Variants in PARP16 observed in about 807,000 individuals in gnomAD.
The protein encoded by PARP16 is poly(ADP-ribose) polymerase family member 16.
A neutral mutation model predicts 35.0 loss-of-function variants in PARP16; 31 were observed. That is an observed-to-expected ratio of 0.88 (90% confidence interval 0.66 to 1.19). PARP16 has a LOEUF of 1.19. Among genes scored for constraint, PARP16 ranks in the 50% most tolerant of loss-of-function variants. PARP16 has a pLI of 0.00. For synonymous variants in PARP16, 162 were observed against 169.5 expected, an observed-to-expected ratio of 0.96 and a Z score of 0.34; for missense variants, 424 against 411.2, an observed-to-expected ratio of 1.03 and a Z score of -0.27.
chr15:65,286,662 C>G lies in PARP16; in HGVS notation c.-236G>C. 4.6e-4 allele frequency: 78 copies of G among 169,710 alleles called. No individual in the cohort carries two copies. In the South Asian group the frequency reaches 8.0e-3, roughly 17 times the overall value. The allele number at this position is 169,710 out of a possible 1,614,324, so 10.5% of individuals were successfully genotyped here. ...AAGAGAGAGACCGAGGCCTGGACCG[C>G]GGGTCGGCGGGGAGGTTGGGCCCAG... On this transcript the variant is annotated 5_prime_UTR_variant, in exon 1 of 6. Transcript: ENST00000649807.
chr15:65,248,197 T>C (rs1350515696), exon 3 of PARP16: 3 of 456,390 alleles, frequency 6.6e-6, no homozygotes, highest in Admixed American at 4.7e-5. Context: ...GGCTTTACTC[T>C]GGCCACAGAC....
chr15:65,233,188 C>T (rs574108742), downstream of PARP16, among the ~76,000 whole-genome samples: 4 of 152,090 alleles, frequency 2.6e-5, no homozygotes, highest in African/African-American at 2.4e-5. Flanking sequence ...CCGAGGTGGG[C>T]GGATCACCAG....
intron 1 of PARP16, among the ~76,000 whole-genome samples, chr15:65,272,564 C>T (rs1555424413): frequency 6.6e-6 from 1 of 152,148 alleles, no homozygotes; most frequent in Non-Finnish European, 1.5e-5. Context: ...CAAGAATACC[C>T]CTTCCCCCAC....
chr15:65,231,985 T>A (rs867798913), downstream of PARP16, among the ~76,000 whole-genome samples: 1 of 152,166 alleles, frequency 6.6e-6, no homozygotes, highest in Non-Finnish European at 1.5e-5. Flanking sequence ...TTTTTAAAAA[T>A]TTTTAGTGCC....
downstream of PARP16, among the ~76,000 whole-genome samples, chr15:65,233,008 A>C (rs565621476): frequency 6.6e-6 from 1 of 152,086 alleles, no homozygotes; most frequent in South Asian, 2.1e-4. Context: ...AAAATTAAAA[A>C]GTTTAAAATT....
At chr15:65,270,763 G>A (rs183768498) in intron 2 of PARP16, among the ~76,000 whole-genome samples, 172 bp downstream of exon 2, 23 of 152,220 alleles carry the variant, frequency 1.5e-4, no homozygotes, top group Admixed American at 1.1e-3. Flanking sequence ...GAAAGCTCCT[G>A]GGCCTGACTC....
At chr15:65,242,393 C>T (rs980132943) in intron 3 of PARP16, among the ~76,000 whole-genome samples, 1 of 110,050 alleles carries the variant, frequency 9.1e-6, no homozygotes, top group Non-Finnish European at 1.9e-5. Flanking sequence ...AGCTTGTTTA[C>T]TACAAAAAAA....
At chr15:65,275,397 T>A (rs1488798213) in intron 1 of PARP16, among the ~76,000 whole-genome samples, 1 of 152,148 alleles carries the variant, frequency 6.6e-6, no homozygotes, top group Non-Finnish European at 1.5e-5. Flanking sequence ...TTTAGTGAGA[T>A]GTTTGACTTC....
At chr15:65,274,368 A>G (rs1170146972) in intron 1 of PARP16, among the ~76,000 whole-genome samples, 3 of 151,574 alleles carry the variant, frequency 2.0e-5, no homozygotes, top group East Asian at 3.9e-4. Flanking sequence ...CAACACCAGC[A>G]GGGGCAACAT....
intron 1 of PARP16, among the ~76,000 whole-genome samples, chr15:65,273,305 G>T: frequency 1.3e-5 from 1 of 76,188 alleles, no homozygotes; most frequent in Non-Finnish European, 3.2e-5. Flanking sequence ...GAATACCTGT[G>T]GTTCTTTTCC....
intron 3 of PARP16, among the ~76,000 whole-genome samples, chr15:65,245,170 G>C (rs370564173): frequency 6.6e-6 from 1 of 152,318 alleles, no homozygotes; most frequent in Middle Eastern, 3.4e-3. Flanking sequence ...ACCTCACCTC[G>C]TGGCTGCAAG....
downstream of PARP16, among the ~76,000 whole-genome samples, chr15:65,254,586 T>G (rs2089450152): frequency 6.6e-6 from 1 of 151,298 alleles, no homozygotes; most frequent in Non-Finnish European, 1.5e-5. Context: ...GTGGGGGCTG[T>G]GGAGGGGGTT....
At chr15:65,264,547 G>C (rs188771171) in intron 3 of PARP16, among the ~76,000 whole-genome samples, 4 of 152,298 alleles carry the variant, frequency 2.6e-5, no homozygotes, top group Admixed American at 2.6e-4. Flanking sequence ...ACAGACCTTT[G>C]CTTGGCCTTT....
rs1179251623 is a variant in PARP16 at position 65,248,274 on chromosome 15, G to A, written c.203-46C>T. On this transcript the variant is annotated intron_variant and NMD_transcript_variant, in intron 2 of 3. Transcript: ENST00000559805. ...GAACAAGTACTTTAAAAATGTCCAA[G>A]TAAATTAGTAAATCATAAATCAAGA... 3 of 456,440 alleles carry A rather than the reference G, an allele frequency of 6.6e-6. No individual in the cohort carries two copies. The East Asian group carries it at 2.1e-4, about 32-fold the overall frequency. The allele number at this position is 456,440 out of a possible 1,614,324, so 28.3% of individuals were successfully genotyped here. A position where few individuals can be genotyped will look rare whatever the true frequency, so the allele number is the denominator to read the frequency against.
chr15:65,267,837 G>A (rs541402747), intron 2 of PARP16, among the ~76,000 whole-genome samples: 27 of 151,034 alleles, frequency 1.8e-4, no homozygotes, highest in Non-Finnish European at 3.8e-4. Flanking sequence ...TTACAAGTGC[G>A]TGCCACCACC....
At chr15:65,273,458 G>A (rs2090154567) in intron 1 of PARP16, among the ~76,000 whole-genome samples, 1 of 151,518 alleles carries the variant, frequency 6.6e-6, no homozygotes, top group East Asian at 1.9e-4. Flanking sequence ...TTAAGGCCAG[G>A]AGTTAGAGAC....
chr15:65,238,096 G>A (rs1294034440), intron 3 of PARP16, among the ~76,000 whole-genome samples: 1 of 152,118 alleles, frequency 6.6e-6, no homozygotes, highest in Non-Finnish European at 1.5e-5. Context: ...GACCAGCCTG[G>A]CCAACATGGT....
chr15:65,242,564 A>C (rs1169933729), intron 3 of PARP16, among the ~76,000 whole-genome samples: 1 of 152,098 alleles, frequency 6.6e-6, no homozygotes, highest in Non-Finnish European at 1.5e-5. Context: ...TGTCAGATTT[A>C]TCCCTGTTTT....
chr15:65,243,774 C>T (rs1417626644), intron 3 of PARP16, among the ~76,000 whole-genome samples: 1 of 151,938 alleles, frequency 6.6e-6, no homozygotes, highest in Non-Finnish European at 1.5e-5. Flanking sequence ...AATTCCATTA[C>T]ATATTTATTC....
Sources: gnomAD v4.1 joint callset for allele counts (sites outside exome capture counted in the v4.1 genomes callset) on GRCh38, gnomAD v4.1.1 for gene constraint, MANE v1.5 for transcripts, NCBI Gene and HGNC (gene_info 2026-07-23, HGNC 2026-07-21) for gene names.